The following B3GAT1 variants were observed in gnomAD, a reference collection of about 807,000 sequenced individuals.
B3GAT1 encodes the protein beta-1,3-glucuronyltransferase 1.
A neutral mutation model predicts 28.4 loss-of-function variants in B3GAT1; 11 were observed. The ratio of observed to expected loss-of-function variants is 0.39; its 90% CI spans 0.24 to 0.64. The LOEUF (loss-of-function observed/expected upper bound fraction) is 0.64, where lower values mean the gene tolerates loss of function less well. Ranked by LOEUF, B3GAT1 falls within the 30% of genes least tolerant of loss-of-function variation. B3GAT1 has a pLI of 0.50. For synonymous variants in B3GAT1, 255 were observed against 223.1 expected (o/e 1.14, Z -1.27); for missense variants, 375 against 491.0 (o/e 0.76, Z 2.23).
At chr11:134,382,655 T>A (rs1944161242) in intron 4 of B3GAT1, 55 bp downstream of exon 4, 1 of 1,570,474 alleles carries the variant, frequency 6.4e-7, no homozygotes, top group Non-Finnish European at 8.7e-7. Flanking sequence ...GTAGGGAGGG[T>A]CTGGATGTAC....
At chr11:134,396,330 C>G (rs930491494) in intron 1 of B3GAT1, among the ~76,000 whole-genome samples, 1 of 152,188 alleles carries the variant, frequency 6.6e-6, no homozygotes, top group East Asian at 1.9e-4. Flanking sequence ...TCAGACCCTG[C>G]CTAGTCCCAT....
chr11:134,396,894 C>A (rs1252537045), intron 1 of B3GAT1, among the ~76,000 whole-genome samples: 5 of 152,210 alleles, frequency 3.3e-5, no homozygotes, highest in African/African-American at 1.2e-4. Context: ...CACGAGGCCC[C>A]TGACGGCGTC....
At chr11:134,392,871 G>A (rs1032133843) in intron 1 of B3GAT1, among the ~76,000 whole-genome samples, 9 of 152,200 alleles carry the variant, frequency 5.9e-5, no homozygotes, top group African/African-American at 1.2e-4. Context: ...GTGTTCAAAC[G>A]AAGGCCTCAG....
intron 3 of B3GAT1, 28 bp downstream of exon 3, chr11:134,383,652 C>A: frequency 6.6e-7 from 1 of 1,516,218 alleles, no homozygotes. Context: ...CCGGAGGTCC[C>A]GCTGCTCACT....
At chr11:134,404,435 G>A (rs1314848886) in intron 1 of B3GAT1, among the ~76,000 whole-genome samples, 1 of 152,158 alleles carries the variant, frequency 6.6e-6, no homozygotes, top group African/African-American at 2.4e-5. Flanking sequence ...AAGATGGTAA[G>A]TTTTATGTTA....
chr11:134,400,155 C>T (rs752140922), intron 1 of B3GAT1, among the ~76,000 whole-genome samples: 2 of 152,162 alleles, frequency 1.3e-5, no homozygotes, highest in Non-Finnish European at 2.9e-5. Context: ...TGAAGCCTTC[C>T]CTGGCCCTGC....
intron 1 of B3GAT1, among the ~76,000 whole-genome samples, chr11:134,394,488 A>G (rs1944468425): frequency 6.6e-6 from 1 of 151,334 alleles, no homozygotes; most frequent in Non-Finnish European, 1.5e-5. Context: ...GTGCCCACCC[A>G]CTGGGCAACC....
At chr11:134,398,207 G>A (rs866286375) in intron 1 of B3GAT1, among the ~76,000 whole-genome samples, 1 of 152,242 alleles carries the variant, frequency 6.6e-6, no homozygotes, top group Non-Finnish European at 1.5e-5. Flanking sequence ...CACCCCGTGA[G>A]TCAGCACACG....
chr11:134,384,773 C>T (rs764002167), intron 2 of B3GAT1: 13 of 152,504 alleles, frequency 8.5e-5, no homozygotes, highest in Non-Finnish European at 1.9e-4. Context: ...CTCTGAATCT[C>T]GGTGCAGAAC....
intron 1 of B3GAT1, among the ~76,000 whole-genome samples, chr11:134,392,942 G>A (rs544481983): frequency 2.9e-4 from 44 of 152,352 alleles, no homozygotes; most frequent in Non-Finnish European, 6.3e-4. Context: ...TATTAATTGA[G>A]CATCTGTAGC....
intron 1 of B3GAT1, among the ~76,000 whole-genome samples, chr11:134,398,386 G>A (rs1010372494): frequency 6.6e-6 from 1 of 152,214 alleles, no homozygotes; most frequent in Non-Finnish European, 1.5e-5. Context: ...GTGAGGCCAA[G>A]AGGCCAGTTC....
At position 134,412,136 on chromosome 11, in the gene B3GAT1, GC is replaced by G. The variant is rs1944874409; in HGVS notation, c.-612del. Among the ~76,000 whole-genome samples the G allele has an allele frequency of 7.0e-6, 1 of 142,944 alleles. No individual in the cohort carries two copies. Among genetic ancestry groups the G allele is most frequent in the Admixed American group, 6.9e-5 (1 of 14,590 alleles). The allele number at this position is 142,944 out of a possible 152,430, so 93.8% of individuals were successfully genotyped here. On this transcript the variant is annotated 5_prime_UTR_variant, in exon 1 of 6. Transcript: ENST00000312527. Reference sequence around the variant, plus strand: ...AGCGGGGAGGGGGAGCGGGGAGCGGGCGCGGGGGCGAGAGGGGCGAGGGGGG... The same window carrying G: ...AGCGGGGAGGGGGAGCGGGGAGCGGGGCGGGGGCGAGAGGGGCGAGGGGGG...
chr11:134,406,410 G>C (rs1944734574), intron 1 of B3GAT1, among the ~76,000 whole-genome samples: 1 of 152,208 alleles, frequency 6.6e-6, no homozygotes, highest in Non-Finnish European at 1.5e-5. Context: ...CACAAAGCAA[G>C]GTTGCTTTCC....
At chr11:134,388,583 T>G (rs901177458) in intron 1 of B3GAT1, 3 of 153,250 alleles carry the variant, frequency 2.0e-5, no homozygotes, top group African/African-American at 7.2e-5. Flanking sequence ...GGTATGAGCA[T>G]AGTACCCAAC....
intron 5 of B3GAT1, 143 bp downstream of exon 5, chr11:134,381,781 G>A (rs972254308): frequency 6.1e-6 from 4 of 656,104 alleles, no homozygotes; most frequent in Admixed American, 4.5e-5. Context: ...GAAGGGGACT[G>A]TGGTGACGAC....
At chr11:134,382,588 G>A (rs1944158723) in intron 4 of B3GAT1, 122 bp downstream of exon 4, 1 of 1,214,770 alleles carries the variant, frequency 8.2e-7, no homozygotes. Context: ...GCCTTCCTGG[G>A]AGGGGGTTCC....
chr11:134,400,752 A>AT (rs1944597195), intron 1 of B3GAT1, among the ~76,000 whole-genome samples: 1 of 152,224 alleles, frequency 6.6e-6, no homozygotes, highest in African/African-American at 2.4e-5. Flanking sequence ...CAAAATACAA[A>AT]CAAAAATCAA....
Position 134,383,895 on chromosome 11 carries a change from C to A in B3GAT1, c.406G>T (p.Asp136Tyr), listed in dbSNP as rs780492697. 2.5e-6 allele frequency: 4 copies of A among 1,595,900 alleles called. No individual in the cohort carries two copies. ...AGGTGCGTGTAGTTGAGGCCGGTGT[C>A]GCGCAGCAGGCGCGCGGTCAGCGGC... ...RTPLTARLLR[D>Y]TGLNYTHLHV... is the part of the protein sequence containing the mutation. Residue 136 changes from aspartate (D) to tyrosine (Y), a missense_variant, in exon 3 of 6, where the codon GAC becomes TAC. Transcript: ENST00000312527.
chr11:134,409,254 C>T (rs1006211696), intron 1 of B3GAT1, among the ~76,000 whole-genome samples: 3 of 152,178 alleles, frequency 2.0e-5, no homozygotes, highest in Non-Finnish European at 4.4e-5. Context: ...GTCCCCACTG[C>T]ACTTCTTCCA....
Sources: gnomAD v4.1 joint callset for allele counts (sites outside exome capture counted in the v4.1 genomes callset) on GRCh38, gnomAD v4.1.1 for gene constraint, MANE v1.5 for transcripts, NCBI Gene and HGNC (gene_info 2026-07-23, HGNC 2026-07-21) for gene names.